Variants in EGFL7 observed in about 807,000 individuals in gnomAD.
The protein encoded by EGFL7 is EGF like domain multiple 7.
EGFL7 carries 48 observed loss-of-function variants against 37.1 expected under a neutral mutation model. That is an observed-to-expected ratio of 1.29 (90% CI 1.03 to 1.65). The LOEUF is 1.65. EGFL7 is among the 40% of genes most tolerant of loss of function. EGFL7 has a pLI of 0.00. For synonymous variants in EGFL7, 180 were observed against 156.8 expected, an observed-to-expected ratio of 1.15 and a Z score of -1.10; for missense variants, 384 against 378.9, an observed-to-expected ratio of 1.01 and a Z score of -0.11.
upstream of EGFL7, among the ~76,000 whole-genome samples, chr9:136,662,406 C>T (rs746503927): frequency 2.6e-5 from 4 of 152,214 alleles, no homozygotes; most frequent in Non-Finnish European, 4.4e-5. Flanking sequence ...CCCTTCCTGC[C>T]GGGCCTCGCC....
rs755214072 is a variant in EGFL7 at position 136,672,031 on chromosome 9, G to C, written c.742G>C (p.Gly248Arg). ...SLLVHSFQQL[G>R]RIDSLSEQIS... The stretch of plus-strand genomic sequence containing the variant: ...CCTGGTGCACTCCTTCCAGCAGCTC[G>C]GCCGCATCGACTCCCTGAGCGAGCA... Residue 248 changes from glycine to arginine, a missense_variant, in exon 10 of 11, where the codon GGC becomes CGC. Physicochemically the swap from Gly to Arg is moderately radical, Grantham distance 125. Coordinates refer to ENST00000308874, the MANE Select transcript of EGFL7 (RefSeq NM_016215.5). The C allele has an allele frequency of 3.9e-6, 6 of 1,544,994 alleles. No homozygotes were observed. The highest frequency in any genetic ancestry group is 5.2e-6 in the Non-Finnish European group (6 of 1,146,876).
rs1463290493 is a variant in EGFL7 at position 136,666,974 on chromosome 9, G to A, written c.-42-1267G>A. On this transcript the variant is annotated intron_variant, in intron 3 of 10. Transcript: ENST00000308874. This position sits in a 1 kb window ranked among gnomAD's most constrained non-coding sequence, Gnocchi z 6.8. ...GCCCAGGGCAGCCTCTGCCTAGTTGGCAGCCTCTGCCCTGCCCTCCTCTCT... is the reference window on the plus strand; with the variant it reads ...GCCCAGGGCAGCCTCTGCCTAGTTGACAGCCTCTGCCCTGCCCTCCTCTCT... Among the ~76,000 whole-genome samples the A allele has an allele frequency of 6.6e-6, 1 of 151,956 alleles. No individual in the cohort carries two copies. The highest frequency in any genetic ancestry group is 1.5e-5 in the Non-Finnish European group (1 of 67,982).
Position 136,668,693 on chromosome 9 carries a change from G to A in EGFL7, c.197+20G>A, listed in dbSNP as rs114919674. The A allele has an allele frequency of 2.7e-4, 429 of 1,583,274 alleles. 1 individual carries two copies. The African/African-American group carries it at 5.0e-3, about 18-fold the overall frequency. The stretch of plus-strand genomic sequence containing the variant: ...CTACCGGTGAGTGCCCCACCACACC[G>A]AGCTCACCCAGCCCCAGCCTCCCAA... On this transcript the variant is annotated intron_variant, in intron 5 of 10. Coordinates refer to ENST00000308874, the MANE Select transcript of EGFL7 (RefSeq NM_016215.5).
chr9:136,668,460 G>A, intron 4 of EGFL7, 97 bp from the exon 5 acceptor site: 1 of 1,521,016 alleles, frequency 6.6e-7, no homozygotes, highest in Non-Finnish European at 9.0e-7. Flanking sequence ...GGACTCCCTG[G>A]GGGCTCCTGC....
At chr9:136,660,450 C>T (rs1564266264), upstream of EGFL7, 1 of 152,414 alleles carries the variant, frequency 6.6e-6, no homozygotes, top group Non-Finnish European at 1.5e-5. Flanking sequence ...AGGGTCTAGT[C>T]TTGGCCTGGG....
At chr9:136,670,520 CA>C (rs1191097081) in intron 8 of EGFL7, 190 bp downstream of exon 8, 2 of 836,952 alleles carry the variant, frequency 2.4e-6, no homozygotes, top group African/African-American at 3.4e-5. Flanking sequence ...CCCGGAGCCT[CA>C]TATCAGCCAA....
upstream of EGFL7, among the ~76,000 whole-genome samples, chr9:136,662,677 T>C (rs1242297827): frequency 1.3e-5 from 2 of 152,134 alleles, no homozygotes; most frequent in Non-Finnish European, 2.9e-5. Context: ...GGTCCAGCCC[T>C]GGTTTCTGGC....
intron 8 of EGFL7, 60 bp downstream of exon 8, chr9:136,670,390 T>A: frequency 6.7e-7 from 1 of 1,487,996 alleles, no homozygotes; most frequent in Non-Finnish European, 9.0e-7. Flanking sequence ...CATTGCCGTG[T>A]GGCTGTTAGG....
chr9:136,672,126 CTGGGCCCAG>C (rs767898041), intron 10 of EGFL7, 38 bp downstream of exon 10: 1 of 1,556,588 alleles, frequency 6.4e-7, no homozygotes, highest in Admixed American at 1.9e-5. Flanking sequence ...CCTCCCGGGT[CTGGGCCCAG>C]TGGGCCTAGA....
rs1165405095 is a variant in EGFL7, at chr9:136,670,238, G to C, written c.479G>C (p.Trp160Ser). ...TGCGTCAACACCGCCGGCAGTTACT[G>C]GTGCCAGTGTTGGGAGGGGCACAGC... ...QRCVNTAGSY[W>S]CQCWEGHSLS... Residue 160 changes from tryptophan to serine, a missense_variant, in exon 8 of 11, where the codon TGG (tryptophan) becomes TCG (serine). By Grantham distance (177) the Trp-to-Ser change is radical. Transcript: ENST00000308874. 1.1e-5 allele frequency: 17 copies of C among 1,612,594 alleles called. No individual in the cohort carries two copies. The highest frequency in any genetic ancestry group is 1.2e-5 in the Non-Finnish European group (14 of 1,179,810).
At chr9:136,670,859 T>A in intron 8 of EGFL7, 91 bp from the exon 9 acceptor site, 1 of 1,272,378 alleles carries the variant, frequency 7.9e-7, no homozygotes, top group African/African-American at 1.5e-5. Flanking sequence ...CTGAGTCTTC[T>A]GGCTCTGCCT....
chr9:136,664,441 C>T, intron 2 of EGFL7, among the ~76,000 whole-genome samples: 1 of 152,112 alleles, frequency 6.6e-6, no homozygotes, highest in Admixed American at 6.5e-5. Context: ...CCTCCCATCC[C>T]CATGCCAGGG....
In EGFL7 at chr9:136,672,338, C is replaced by T. The variant is rs750862957; in HGVS notation, c.*52C>T. 6 of 1,611,778 alleles carry T rather than the reference C, an allele frequency of 3.7e-6. No homozygotes were observed. Among genetic ancestry groups the T allele is most frequent in the South Asian group, 1.1e-5 (1 of 91,014 alleles). ...GCCCCTCACGCCGCCCTGCAGCCCC[C>T]ATGCCCCTGCCCAACATGCTGGGGG... On this transcript the variant is annotated 3_prime_UTR_variant, in exon 11 of 11. Coordinates refer to ENST00000308874, the MANE Select transcript of EGFL7 (RefSeq NM_016215.5).
At chr9:136,665,648 G>A (rs1348197880) in intron 3 of EGFL7, 1 of 151,390 alleles carries the variant, frequency 6.6e-6, no homozygotes, top group Non-Finnish European at 1.5e-5. Flanking sequence ...CTGCCCGCCC[G>A]GGGGCAGCTC....
At chr9:136,670,407 G>T in intron 8 of EGFL7, 77 bp downstream of exon 8, 1 of 1,455,186 alleles carries the variant, frequency 6.9e-7, no homozygotes, top group Non-Finnish European at 9.2e-7. Context: ...TAGGCATGGT[G>T]GGGGGCACTG....
At chr9:136,671,792 G>C in intron 9 of EGFL7, 134 bp from the exon 10 acceptor site, 1 of 1,224,296 alleles carries the variant, frequency 8.2e-7, no homozygotes, top group Non-Finnish European at 1.1e-6. Context: ...GCCCCCTCTA[G>C]TGGACACTTG....
intron 2 of EGFL7, among the ~76,000 whole-genome samples, chr9:136,663,910 C>T (rs1845298202): frequency 6.6e-6 from 1 of 152,228 alleles, no homozygotes; most frequent in Admixed American, 6.5e-5. Flanking sequence ...CGGGGCAGCC[C>T]TGGAGCTGCC....
chr9:136,668,725 C>A, intron 5 of EGFL7, 52 bp downstream of exon 5: 1 of 1,439,972 alleles, frequency 6.9e-7, no homozygotes, highest in Non-Finnish European at 9.7e-7. Flanking sequence ...CCAAGTCGGC[C>A]ACACATCAGC....
chr9:136,663,160 C>T (rs376685419), intron 1 of EGFL7, 52 bp downstream of exon 1: 2 of 152,518 alleles, frequency 1.3e-5, no homozygotes, highest in East Asian at 1.9e-4. Flanking sequence ...GCGGGCCCCC[C>T]ATTCCCCTCA....
Sources: allele counts gnomAD v4.1 joint callset (sites outside exome capture counted in the v4.1 genomes callset), GRCh38; gene constraint gnomAD v4.1.1; non-coding constraint Gnocchi (gnomAD v3.1); transcripts MANE v1.5; gene names NCBI Gene and HGNC (gene_info 2026-07-23, HGNC 2026-07-21).